KYAT3: variants seen among roughly 807,000 people sequenced by gnomAD.
KYAT3 encodes kynurenine--oxoglutarate transaminase 3.
Under a neutral mutation model 59.0 loss-of-function variants are expected in KYAT3, and 50 were observed. The ratio of observed to expected loss-of-function variants is 0.85; its 90% CI spans 0.68 to 1.07. The LOEUF is 1.07. KYAT3 is among the 50% of genes least tolerant of loss of function. KYAT3 has a pLI of 0.00. For missense variants in KYAT3, 497 were observed against 533.3 expected, an observed-to-expected ratio of 0.93 and a Z score of 0.67; for synonymous variants, 148 against 177.0, an observed-to-expected ratio of 0.84 and a Z score of 1.30.
intron 11 of KYAT3, among the ~76,000 whole-genome samples, chr1:88,944,917 C>T (rs932843814): frequency 4.6e-5 from 7 of 152,140 alleles, no homozygotes; most frequent in Non-Finnish European, 1.0e-4. Context: ...GATCTCGGCT[C>T]ACTGCAACCT....
At chr1:88,921,879 G>A in the KYAT3 span, among the ~76,000 whole-genome samples, 10 of 152,202 alleles carry the variant, frequency 6.6e-5, no homozygotes, top group African/African-American at 9.6e-5. Flanking sequence ...ACTGGGTGAG[G>A]CCTATCTAAA....
intron 4 of KYAT3, among the ~76,000 whole-genome samples, chr1:88,967,861 A>C (rs1223013706): frequency 1.3e-5 from 2 of 151,810 alleles, no homozygotes; most frequent in African/African-American, 2.4e-5. Flanking sequence ...AATTTTCTCT[A>C]TTGTTGGTTT....
chr1:88,959,392 C>T (rs988218543), intron 8 of KYAT3, among the ~76,000 whole-genome samples: 1 of 151,696 alleles, frequency 6.6e-6, no homozygotes, highest in Non-Finnish European at 1.5e-5. Flanking sequence ...GCTTGGCCAA[C>T]ACGGTGAAAC....
intron 13 of KYAT3, 89 bp downstream of exon 13, chr1:88,942,916 A>G: frequency 1.0e-6 from 1 of 999,006 alleles, no homozygotes; most frequent in Admixed American, 2.0e-5. Flanking sequence ...GCATATGAGC[A>G]TATCATTTTT....
downstream of KYAT3, among the ~76,000 whole-genome samples, chr1:88,933,588 T>C (rs1354694751): frequency 3.9e-5 from 6 of 152,132 alleles, no homozygotes; most frequent in East Asian, 1.9e-4. Flanking sequence ...TGGGAGAGAT[T>C]TGAACATATC....
intron 1 of KYAT3, among the ~76,000 whole-genome samples, 185 bp downstream of exon 1, chr1:88,992,400 C>G (rs1483144101): frequency 1.3e-5 from 2 of 152,250 alleles, no homozygotes; most frequent in Admixed American, 1.3e-4. Flanking sequence ...GGAGGCCAGT[C>G]ACCTCGGCGC....
intron 1 of KYAT3, among the ~76,000 whole-genome samples, chr1:88,990,787 A>G (rs1677749816): frequency 6.6e-6 from 1 of 152,206 alleles, no homozygotes; most frequent in African/African-American, 2.4e-5. Context: ...CCTTTGAATC[A>G]AGCTAGTTTA....
the KYAT3 span, among the ~76,000 whole-genome samples, chr1:88,924,973 T>C: frequency 3.9e-5 from 6 of 152,234 alleles, no homozygotes; most frequent in East Asian, 1.2e-3. Flanking sequence ...CTTGCCACCA[T>C]CTTGGAAGCA....
At chr1:88,965,786 A>G (rs1003966174) in intron 4 of KYAT3, among the ~76,000 whole-genome samples, 1 of 151,862 alleles carries the variant, frequency 6.6e-6, no homozygotes, top group Non-Finnish European at 1.5e-5. Context: ...CTGATTTTCT[A>G]TCCCTTGAGA....
the KYAT3 span, among the ~76,000 whole-genome samples, chr1:88,921,662 A>T: frequency 7.2e-5 from 11 of 152,178 alleles, no homozygotes; most frequent in Non-Finnish European, 1.6e-4. Context: ...AACCACTAGG[A>T]TGTGTAGATG....
chr1:88,949,331 G>A (rs1675584008), intron 10 of KYAT3, 54 bp from the exon 11 acceptor site: 1 of 1,285,322 alleles, frequency 7.8e-7, no homozygotes, highest in South Asian at 1.6e-5. Flanking sequence ...GTTATTTATT[G>A]CTTAGTTTAT....
chr1:88,923,012 AC>A, the KYAT3 span, among the ~76,000 whole-genome samples: 1 of 152,208 alleles, frequency 6.6e-6, no homozygotes, highest in Non-Finnish European at 1.5e-5. Flanking sequence ...ACACTGACAC[AC>A]GGAGAAGACA....
At chr1:88,964,039 C>T (rs1024092146) in intron 5 of KYAT3, among the ~76,000 whole-genome samples, 2 of 152,172 alleles carry the variant, frequency 1.3e-5, no homozygotes, top group South Asian at 4.1e-4. Flanking sequence ...CCCATCTCTA[C>T]TAAAAATACA....
downstream of KYAT3, among the ~76,000 whole-genome samples, chr1:88,933,565 G>C (rs1377866865): frequency 6.6e-6 from 1 of 152,160 alleles, no homozygotes. Flanking sequence ...ATCAGTGAAA[G>C]AATTTTCTAA....
chr1:88,980,778 C>T (rs1677043797), intron 2 of KYAT3: 1 of 152,026 alleles, frequency 6.6e-6, no homozygotes. Context: ...GCCAAAAGGT[C>T]CTCACAGAAG....
chr1:88,939,027 T>C (rs1308655037), intron 13 of KYAT3, among the ~76,000 whole-genome samples: 6 of 152,182 alleles, frequency 3.9e-5, no homozygotes, highest in African/African-American at 9.6e-5. Flanking sequence ...CTAACCACCA[T>C]AGAGATTTTA....
downstream of KYAT3, among the ~76,000 whole-genome samples, chr1:88,934,136 G>T (rs1008358107): frequency 6.6e-6 from 1 of 152,132 alleles, no homozygotes; most frequent in Non-Finnish European, 1.5e-5. Context: ...GGTGAGAATG[G>T]AGGTAGCATA....
At chr1:88,959,277 TAA>T (rs774196304) in intron 8 of KYAT3, among the ~76,000 whole-genome samples, 7 of 135,684 alleles carry the variant, frequency 5.2e-5, no homozygotes, top group African/African-American at 8.1e-5. Context: ...CCCTGTCTCT[TAA>T]AAAAAAAAAA....
downstream of KYAT3, among the ~76,000 whole-genome samples, chr1:88,932,433 G>C (rs1272298286): frequency 1.3e-5 from 2 of 152,092 alleles, no homozygotes; most frequent in Admixed American, 6.6e-5. Flanking sequence ...TTGATAGATA[G>C]ATATAAACAA....
Sources: allele counts gnomAD v4.1 joint callset (sites outside exome capture counted in the v4.1 genomes callset), GRCh38; gene constraint gnomAD v4.1.1; transcripts MANE v1.5; gene names NCBI Gene and HGNC (gene_info 2026-07-23, HGNC 2026-07-21).